Variants in PCDHGA10 observed in about 807,000 individuals in gnomAD.
PCDHGA10 encodes protocadherin gamma subfamily A, 10.
PCDHGA10 carries 42 observed loss-of-function variants against 59.5 expected under a neutral mutation model. The observed-to-expected ratio is 0.71, with a 90% CI of 0.55 to 0.91. The LOEUF is 0.91. Ranked by LOEUF, PCDHGA10 falls within the 40% of genes least tolerant of loss-of-function variation. The probability of loss-of-function intolerance (pLI) is 0.00; values close to 1 mark genes in which losing one functional copy is unlikely to be tolerated. For synonymous variants in PCDHGA10, 511 were observed against 517.2 expected, an observed-to-expected ratio of 0.99 and a Z score of 0.16; for missense variants, 1,111 against 1,198.2, an observed-to-expected ratio of 0.93 and a Z score of 1.07.
chr5:141,464,053 T>C (rs111614367), intron 1 of PCDHGA10, among the ~76,000 whole-genome samples: 9,857 of 152,054 alleles, frequency 0.065, 668 homozygotes, highest in African/African-American at 0.17. Flanking sequence ...TCACCTGAGG[T>C]CAGGAGTTCA....
At chr5:141,420,027 C>T in intron 1 of PCDHGA10, 3 of 1,614,082 alleles carry the variant, frequency 1.9e-6, no homozygotes, top group Non-Finnish European at 2.5e-6. Flanking sequence ...AGCCCTACTG[C>T]AGGAGACTGC....
intron 1 of PCDHGA10, among the ~76,000 whole-genome samples, chr5:141,466,994 T>C (rs944607423): frequency 6.6e-6 from 1 of 152,176 alleles, no homozygotes; most frequent in African/African-American, 2.4e-5. Flanking sequence ...CTTTTGGCAT[T>C]TTTTTGCAAT....
Position 141,491,078 on chromosome 5 carries a change from C to G in PCDHGA10, c.2437-3729C>G, listed in dbSNP as rs1386717886. The G allele has an allele frequency of 5.6e-6, 9 of 1,614,194 alleles. No homozygotes were observed. Among genetic ancestry groups the G allele is most frequent in the East Asian group, 4.5e-5 (2 of 44,882 alleles). ...CTCTCCTACTCACTGTTGCCACAGTCCACAGCCCCAGGACTGTTCCTCGTG... is the reference window on the plus strand; with the variant it reads ...CTCTCCTACTCACTGTTGCCACAGTGCACAGCCCCAGGACTGTTCCTCGTG... On this transcript the variant is annotated intron_variant, in intron 1 of 3. Transcript: ENST00000398610. This position sits in a 1 kb window ranked among gnomAD's most constrained non-coding sequence, Gnocchi z 6.9.
At chr5:141,421,702 A>G (rs2096594027) in intron 1 of PCDHGA10, 1 of 1,613,950 alleles carries the variant, frequency 6.2e-7, no homozygotes, top group Non-Finnish European at 8.5e-7. Context: ...TCCTAATGCT[A>G]GGGATCCAGA....
At chr5:141,426,720 A>T (rs1448232477) in intron 1 of PCDHGA10, 4 of 447,600 alleles carry the variant, frequency 8.9e-6, no homozygotes, top group Non-Finnish European at 1.8e-5. Flanking sequence ...TGAACTAGCA[A>T]TTCCAGGCAT....
chr5:141,415,849 C>A (rs1453652151), intron 1 of PCDHGA10: 2 of 1,230,672 alleles, frequency 1.6e-6, no homozygotes, highest in Non-Finnish European at 2.1e-6. Flanking sequence ...CTTTGCAGAA[C>A]CTTGTAGTTT....
chr5:141,425,845 GT>G (rs2096898477), intron 1 of PCDHGA10, among the ~76,000 whole-genome samples: 1 of 152,126 alleles, frequency 6.6e-6, no homozygotes, highest in Non-Finnish European at 1.5e-5. Context: ...TCTTTGCTGG[GT>G]TAATGACTGT....
chr5:141,502,785 A>G (rs576095718), intron 2 of PCDHGA10, among the ~76,000 whole-genome samples: 2 of 150,900 alleles, frequency 1.3e-5, no homozygotes, highest in East Asian at 3.9e-4. Context: ...AATTACCTGG[A>G]TGATTTCTTC....
Position 141,486,904 on chromosome 5 carries a change from C to G in PCDHGA10, c.2437-7903C>G. On this transcript the variant is annotated intron_variant, in intron 1 of 3. Transcript: ENST00000398610. This position sits in a 1 kb window ranked among gnomAD's most constrained non-coding sequence, Gnocchi z 5.0. The stretch of plus-strand genomic sequence containing the variant: ...GGGCCCGGCCTGGTTCCTTATGTCC[C>G]CAAGCACTGCCTCCATCAGTTGGTG... 6.2e-7 allele frequency: 1 copy of G among 1,614,226 alleles called. No individual in the cohort carries two copies. The highest frequency in any genetic ancestry group is 1.1e-5 in the South Asian group (1 of 91,080).
intron 1 of PCDHGA10, chr5:141,423,755 G>GGT (rs1554116817): frequency 5.9e-6 from 3 of 512,508 alleles, no homozygotes; most frequent in Non-Finnish European, 7.8e-6. Context: ...CTGTTTGGGG[G>GGT]GGGGGTGGGG....
intron 1 of PCDHGA10, among the ~76,000 whole-genome samples, chr5:141,473,990 G>A (rs988540565): frequency 2.0e-5 from 3 of 152,130 alleles, no homozygotes; most frequent in African/African-American, 7.2e-5. Flanking sequence ...GATCCCTTGA[G>A]CCCAAGGAGC....
chr5:141,506,162 C>T (rs1448735916), intron 3 of PCDHGA10, among the ~76,000 whole-genome samples: 1 of 152,124 alleles, frequency 6.6e-6, no homozygotes, highest in Non-Finnish European at 1.5e-5. Flanking sequence ...CTTAAGAGCA[C>T]AGCCTAAGCT....
At position 141,431,639 on chromosome 5, in the gene PCDHGA10, C is replaced by T; in HGVS notation, c.2436+16028C>T. 1 of 1,614,262 alleles carries T rather than the reference C, an allele frequency of 6.2e-7. No homozygotes were observed. The highest frequency in any genetic ancestry group is 8.5e-7 in the Non-Finnish European group (1 of 1,180,046). On this transcript the variant is annotated intron_variant, in intron 1 of 3. Transcript: ENST00000398610. This position sits in a 1 kb window ranked among gnomAD's most constrained non-coding sequence, Gnocchi z 4.8. Reference sequence around the variant, plus strand: ...CGACAAGGCGGCCCAAGTTTTCAAACTAGATTGTAATTCAGGGACAATATC... The same window carrying T: ...CGACAAGGCGGCCCAAGTTTTCAAATTAGATTGTAATTCAGGGACAATATC...
chr5:141,446,988 C>T (rs548721486), intron 1 of PCDHGA10, among the ~76,000 whole-genome samples: 1 of 152,154 alleles, frequency 6.6e-6, no homozygotes, highest in Non-Finnish European at 1.5e-5. Flanking sequence ...TCATACTCCA[C>T]TCTTCAGACT....
chr5:141,415,573 G>A lies in PCDHGA10; in HGVS notation c.2398G>A (p.Asp800Asn), dbSNP rs375863243. ...AAACGATCCTTTGTCTTTGTTAGAT[G>A]ATTCGAAGTTTCCTATAGAGGATAC... ...EKNDPLSLLD[D>N]SKFPIEDTPL... The change falls in exon 1 of 4, where the codon GAT becomes AAT. Residue 800 changes from aspartate (D) to asparagine (N), a missense_variant. Transcript: ENST00000398610. 68 of 1,613,906 alleles carry A rather than the reference G, an allele frequency of 4.2e-5. No individual in the cohort carries two copies. The highest frequency in any genetic ancestry group is 1.2e-5 in the Non-Finnish European group (14 of 1,180,014).
rs1425448852 is a variant in PCDHGA10, at chr5:141,493,717, C to T, written c.2437-1090C>T. Among the ~76,000 whole-genome samples the T allele has an allele frequency of 1.3e-5, 2 of 152,208 alleles. No individual in the cohort carries two copies. The highest frequency in any genetic ancestry group is 3.8e-4 in the East Asian group (2 of 5,202). On this transcript the variant is annotated intron_variant, in intron 1 of 3. Coordinates refer to ENST00000398610, the MANE Select transcript of PCDHGA10 (RefSeq NM_018913.3). This position sits in a 1 kb window ranked among gnomAD's most constrained non-coding sequence, Gnocchi z 4.3. ...CCGATACACCTGGAATGCTAGGTTT[C>T]TGGGTTCTGCTCATATCACTGCCAC...
intron 1 of PCDHGA10, among the ~76,000 whole-genome samples, chr5:141,475,364 G>C (rs2099362607): frequency 6.6e-6 from 1 of 152,200 alleles, no homozygotes; most frequent in Admixed American, 6.5e-5. Flanking sequence ...AATAAAATCT[G>C]AATTGTACTT....
chr5:141,415,086 G>C lies in PCDHGA10; in HGVS notation c.1911G>C (p.Leu637=). Residue 637 remains leucine, a synonymous_variant, in exon 1 of 4, where the codon CTG becomes CTC. Coordinates refer to ENST00000398610, the MANE Select transcript of PCDHGA10 (RefSeq NM_018913.3). ...AGGTGCGCACGGCGCGAGCCCTGCT[G>C]GACAGAGACGCGCTCAAGCAAAGCC... is the stretch of plus-strand genomic sequence containing the variant. The part of the protein sequence containing the change: ...TGEVRTARAL[L]DRDALKQSLV... 5.6e-6 allele frequency: 9 copies of C among 1,613,554 alleles called. No individual in the cohort carries two copies. The highest frequency in any genetic ancestry group is 6.8e-6 in the Non-Finnish European group (8 of 1,179,968).
intron 1 of PCDHGA10, chr5:141,478,595 T>A: frequency 6.4e-7 from 1 of 1,567,880 alleles, no homozygotes; most frequent in Non-Finnish European, 8.7e-7. Flanking sequence ...TTTTTATTCC[T>A]ACATCATATT....
Sources: gnomAD v4.1 joint callset for allele counts (sites outside exome capture counted in the v4.1 genomes callset) on GRCh38, gnomAD v4.1.1 for gene constraint, Gnocchi (gnomAD v3.1) non-coding constraint, MANE v1.5 for transcripts, NCBI Gene and HGNC (gene_info 2026-07-23, HGNC 2026-07-21) for gene names.